The following RGS3 variants were observed in gnomAD, a reference collection of about 807,000 sequenced individuals.
RGS3 encodes the protein regulator of G-protein signalling 3.
Under a neutral mutation model 132.6 loss-of-function variants are expected in RGS3, and 80 were observed. That is an observed-to-expected ratio of 0.60 (90% CI 0.50 to 0.73). RGS3 has a LOEUF of 0.73. Ranked by LOEUF, RGS3 falls within the 30% of genes least tolerant of loss-of-function variation. The probability of loss-of-function intolerance (pLI) is 0.00; values close to 1 mark genes in which losing one functional copy is unlikely to be tolerated. For missense variants in RGS3, 1,382 were observed against 1,530.8 expected, an observed-to-expected ratio of 0.90 and a Z score of 1.62; for synonymous variants, 598 against 620.6, an observed-to-expected ratio of 0.96 and a Z score of 0.54.
At chr9:113,486,583 C>T (rs538873861) in intron 7 of RGS3, among the ~76,000 whole-genome samples, 2 of 152,188 alleles carry the variant, frequency 1.3e-5, no homozygotes, top group Non-Finnish European at 2.9e-5. Flanking sequence ...CCACTGTTAG[C>T]GGCAGTGGCT....
intron 9 of RGS3, among the ~76,000 whole-genome samples, chr9:113,497,749 C>T (rs1313042513): frequency 1.3e-5 from 2 of 152,166 alleles, no homozygotes; most frequent in East Asian, 3.8e-4. Context: ...CTTGGGATAC[C>T]CACCTCTACA....
At chr9:113,559,047 G>A (rs1833684609) in intron 19 of RGS3, among the ~76,000 whole-genome samples, 1 of 152,240 alleles carries the variant, frequency 6.6e-6, no homozygotes, top group Non-Finnish European at 1.5e-5. Flanking sequence ...TAGCATTTCA[G>A]TCTTTCCCCC....
chr9:113,529,095 G>C, intron 17 of RGS3, 126 bp from the exon 16 acceptor site: 2 of 757,760 alleles, frequency 2.6e-6, no homozygotes, highest in South Asian at 1.5e-5. Context: ...TCCCATGCCT[G>C]CCTCTCTCTT....
intron 5 of RGS3, 136 bp from the exon 4 acceptor site, chr9:113,484,002 G>A (rs960273067): frequency 9.3e-6 from 5 of 534,966 alleles, no homozygotes; most frequent in Non-Finnish European, 1.7e-5. Context: ...TCTGACAGGG[G>A]ACTCTATTCT....
At chr9:113,547,622 C>G (rs1025942937) in intron 19 of RGS3, among the ~76,000 whole-genome samples, 2 of 152,210 alleles carry the variant, frequency 1.3e-5, no homozygotes, top group African/African-American at 4.8e-5. Context: ...TTGGCACCAA[C>G]CTAATATGTA....
chr9:113,514,730 GGAT>G (rs1831568265), intron 15 of RGS3, 76 bp downstream of exon 13: 1 of 1,446,082 alleles, frequency 6.9e-7, no homozygotes, highest in Non-Finnish European at 9.5e-7. Context: ...CAGGACTCAG[GGAT>G]GATGACTTAT....
chr9:113,532,269 A>G (rs1030863027), intron 18 of RGS3, among the ~76,000 whole-genome samples: 2 of 152,176 alleles, frequency 1.3e-5, no homozygotes, highest in Non-Finnish European at 2.9e-5. Flanking sequence ...TTTACCTGTG[A>G]GGGAAGCCAG....
chr9:113,509,769 T>C (rs1831319224), intron 14 of RGS3, among the ~76,000 whole-genome samples: 1 of 152,100 alleles, frequency 6.6e-6, no homozygotes, highest in African/African-American at 2.4e-5. Flanking sequence ...GGAAAAGTGC[T>C]TGTGCCTTTT....
At chr9:113,596,086 G>C (rs1378152504) in intron 24 of RGS3, among the ~76,000 whole-genome samples, 1 of 152,244 alleles carries the variant, frequency 6.6e-6, no homozygotes, top group Non-Finnish European at 1.5e-5. Context: ...TGTAATCCCA[G>C]CACTTTGGGA....
At chr9:113,497,257 C>T in intron 8 of RGS3, 57 bp from the exon 7 acceptor site, 1 of 1,398,126 alleles carries the variant, frequency 7.2e-7, no homozygotes, top group South Asian at 1.2e-5. Context: ...TTGGTGGCTG[C>T]CTGACCTGTG....
chr9:113,491,030 G>A (rs1238090421), intron 7 of RGS3, among the ~76,000 whole-genome samples: 1 of 128,064 alleles, frequency 7.8e-6, no homozygotes, highest in African/African-American at 3.1e-5. Flanking sequence ...ATTATATATT[G>A]GTATATATAA....
At chr9:113,457,135 T>C (rs1829381415), upstream of RGS3, among the ~76,000 whole-genome samples, 1 of 152,186 alleles carries the variant, frequency 6.6e-6, no homozygotes, top group Admixed American at 6.6e-5. Flanking sequence ...CTTTCTTGCA[T>C]ATTACTGATT....
In RGS3 at chr9:113,591,338, C is replaced by G. The variant is rs61558718; in HGVS notation, c.3021C>G (p.Ser1007Arg). ...TGTCTGTCTTCTCTCCGCAGATGAG[C>G]GGGGCTGACACCGTTGGGGATGATG... is the stretch of plus-strand genomic sequence containing the variant. Residue 1007 changes from serine to arginine, a missense_variant, in exon 21 of 25, where the codon AGC (serine) becomes AGG (arginine). Transcript: ENST00000350696. The surrounding 1 kb of genome is among the most constrained non-coding windows in gnomAD (Gnocchi z 4.4). 3 of 1,613,442 alleles carry G rather than the reference C, an allele frequency of 1.9e-6. No homozygotes were observed. The highest frequency in any genetic ancestry group is 1.7e-6 in the Non-Finnish European group (2 of 1,179,840).
At chr9:113,517,381 G>A (rs1831730750) in intron 15 of RGS3, 160 bp from the exon 14 acceptor site, 1 of 704,670 alleles carries the variant, frequency 1.4e-6, no homozygotes. Context: ...TCCATCTTAT[G>A]TATGAGGGGG....
chr9:113,447,393 G>T (rs575832747), intron 1 of RGS3, among the ~76,000 whole-genome samples: 87 of 110,274 alleles, frequency 7.9e-4, no homozygotes, highest in Middle Eastern at 6.7e-3. Context: ...AGGTAGAAAT[G>T]TCTACTTTAT....
In RGS3 at chr9:113,584,328, C is replaced by T. The variant is rs753482210; in HGVS notation, c.2916C>T (p.Ser972=). The change falls in exon 20 of 25, where the codon TCC becomes TCT. Residue 972 remains serine, a synonymous_variant. Coordinates refer to ENST00000350696, the Ensembl canonical transcript of RGS3. ...GCTCAGACGGTGAGGGCGCCGCCTC[C>T]ACCTGGGGCATGCCTTCGCCCAGCA... 7 of 1,599,860 alleles carry T rather than the reference C, an allele frequency of 4.4e-6. No individual in the cohort carries two copies. In the Admixed American group the frequency reaches 1.2e-4, roughly 27 times the overall value.
At chr9:113,531,276 G>T (rs1832452986) in intron 18 of RGS3, among the ~76,000 whole-genome samples, 1 of 152,198 alleles carries the variant, frequency 6.6e-6, no homozygotes, top group Admixed American at 6.5e-5. Context: ...GGGCACATTG[G>T]TCAGGGACTA....
intron 19 of RGS3, among the ~76,000 whole-genome samples, chr9:113,568,881 A>G (rs1834127698): frequency 6.6e-6 from 1 of 152,120 alleles, no homozygotes; most frequent in East Asian, 1.9e-4. Flanking sequence ...TGGAGTGGGG[A>G]TGGGGGCAGG....
chr9:113,585,983 C>T (rs570951936), intron 20 of RGS3, among the ~76,000 whole-genome samples: 3 of 152,308 alleles, frequency 2.0e-5, no homozygotes, highest in South Asian at 2.1e-4. Flanking sequence ...TGGTGTGCTC[C>T]GGAATCACCA....
Sources: gnomAD v4.1 joint callset for allele counts (sites outside exome capture counted in the v4.1 genomes callset) on GRCh38, gnomAD v4.1.1 for gene constraint, Gnocchi (gnomAD v3.1) non-coding constraint, MANE v1.5 for transcripts, NCBI Gene and HGNC (gene_info 2026-07-23, HGNC 2026-07-21) for gene names.